Variants in MAEA observed in about 807,000 individuals in gnomAD.
MAEA encodes E3 ubiquitin-protein transferase MAEA.
In MAEA, 22 loss-of-function variants were observed where a neutral mutation model predicts 46.2. The ratio of observed to expected loss-of-function variants is 0.48; its 90% CI spans 0.34 to 0.68. MAEA has a LOEUF of 0.68. Among genes scored for constraint, MAEA ranks in the 30% least tolerant of loss-of-function variants. MAEA has a pLI of 0.01. For synonymous variants in MAEA, 246 were observed against 222.6 expected (o/e 1.11, Z -0.94); for missense variants, 393 against 558.1 (o/e 0.70, Z 2.98).
At chr4:1,300,109 A>G (rs922248114) in intron 1 of MAEA, 3 of 152,362 alleles carry the variant, frequency 2.0e-5, no homozygotes, top group Non-Finnish European at 4.4e-5. Context: ...GCCACCCTCT[A>G]TATCACCGCC....
rs1052271482 is a variant in MAEA, at chr4:1,338,624, G to A, written c.1095+7G>A. ...CTACGTCTACGGCTACAATGTGAGG[G>A]GGGCAGGGCAGGGGGGCCAGGCTGG... is the stretch of plus-strand genomic sequence containing the variant. On this transcript the variant is annotated splice_region_variant and intron_variant, in intron 8 of 8. Coordinates refer to ENST00000303400, the MANE Select transcript of MAEA (RefSeq NM_001017405.3). The A allele has an allele frequency of 3.9e-5, 63 of 1,596,390 alleles. No homozygotes were observed. The highest frequency in any genetic ancestry group is 1.5e-5 in the Non-Finnish European group (18 of 1,171,948).
chr4:1,327,671 C>T lies in MAEA; in HGVS notation c.624C>T (p.Leu208=), dbSNP rs1186107194. The change falls in exon 5 of 9, where the codon CTC becomes CTT. Residue 208 remains leucine, a synonymous_variant. Coordinates refer to ENST00000303400, the MANE Select transcript of MAEA (RefSeq NM_001017405.3). ...TCAGAATCCAGGAGTTCATTGAACT[C>T]ATCCGGCAGAATAAGAGACTGGACG... ...FSLRIQEFIE[L]IRQNKRLDAV... 2 of 1,613,994 alleles carry T rather than the reference C, an allele frequency of 1.2e-6. No individual in the cohort carries two copies. Among genetic ancestry groups the T allele is most frequent in the East Asian group, 2.2e-5 (1 of 44,890 alleles).
At chr4:1,313,031 GC>G (rs1405841599) in intron 2 of MAEA, among the ~76,000 whole-genome samples, 1 of 152,230 alleles carries the variant, frequency 6.6e-6, no homozygotes, top group Non-Finnish European at 1.5e-5. Flanking sequence ...GGAAAGTGGG[GC>G]CCAGTGGAGA....
At chr4:1,290,389 C>G (rs1352280931) in intron 1 of MAEA, among the ~76,000 whole-genome samples, 1 of 152,170 alleles carries the variant, frequency 6.6e-6, no homozygotes, top group Non-Finnish European at 1.5e-5. Context: ...TGGGAGGTGC[C>G]GGCTGCGCCG....
intron 1 of MAEA, among the ~76,000 whole-genome samples, chr4:1,292,436 T>G (rs1226824791): frequency 1.3e-5 from 2 of 152,082 alleles, no homozygotes; most frequent in African/African-American, 4.8e-5. Context: ...GGGAAGAGAA[T>G]GGAACAGACG....
intron 3 of MAEA, among the ~76,000 whole-genome samples, chr4:1,316,442 G>A (rs757548504): frequency 3.3e-5 from 5 of 152,124 alleles, no homozygotes; most frequent in Admixed American, 2.6e-4. Flanking sequence ...TTAAGGTGGC[G>A]TCCGTGTTCC....
intron 1 of MAEA, among the ~76,000 whole-genome samples, chr4:1,307,910 C>T (rs991941257): frequency 5.3e-5 from 8 of 152,118 alleles, no homozygotes; most frequent in Admixed American, 2.0e-4. Flanking sequence ...TGGAAACACC[C>T]GCACAGGCAC....
At chr4:1,327,484 C>T in intron 4 of MAEA, 143 bp from the exon 5 acceptor site, 1 of 711,562 alleles carries the variant, frequency 1.4e-6, no homozygotes, top group South Asian at 1.5e-5. Context: ...GCTTCAGCCT[C>T]AGCCCTGCCT....
rs538450563 is a variant in MAEA, at chr4:1,329,559, G to C, written c.656+1856G>C. 15 of 985,266 alleles carry C rather than the reference G, an allele frequency of 1.5e-5. No homozygotes were observed. In the Admixed American group the frequency reaches 8.6e-4, roughly 57 times the overall value. The allele number at this position is 985,266 out of a possible 1,614,324, so 61.0% of individuals were successfully genotyped here. On this transcript the variant is annotated intron_variant, in intron 5 of 8. Transcript: ENST00000303400. ...ATGGCAAACAACACCCCAGTGTCTCGGGGGCAGGCGCAGTGTGAGCTACAT... is the reference window on the plus strand; with the variant it reads ...ATGGCAAACAACACCCCAGTGTCTCCGGGGCAGGCGCAGTGTGAGCTACAT...
intron 1 of MAEA, among the ~76,000 whole-genome samples, chr4:1,293,877 G>A (rs142822536): frequency 6.6e-4 from 100 of 152,352 alleles, no homozygotes; most frequent in African/African-American, 2.4e-3. Context: ...TAGGGAGTTC[G>A]GGTGCCAGCT....
chr4:1,294,467 T>C (rs1033737044), intron 1 of MAEA, among the ~76,000 whole-genome samples: 7 of 152,144 alleles, frequency 4.6e-5, no homozygotes, highest in Admixed American at 1.3e-4. Flanking sequence ...TTCACCGTAA[T>C]GGCTGGGCTA....
chr4:1,310,610 C>T (rs779071705), intron 1 of MAEA, among the ~76,000 whole-genome samples: 15 of 152,362 alleles, frequency 9.8e-5, no homozygotes, highest in South Asian at 4.1e-4. Context: ...GAGTCCTGCT[C>T]GGTAGCAGAC....
chr4:1,322,505 T>C lies in MAEA; in HGVS notation c.579+2T>C, dbSNP rs1226218178. On this transcript the variant is annotated splice_donor_variant, in intron 4 of 8. Coordinates refer to ENST00000303400, the MANE Select transcript of MAEA (RefSeq NM_001017405.3). LOFTEE classifies it high-confidence loss of function. ...AAGTCCCGGCTCCGGAAGATGAAGGTGCACGGACTCCCAGGTTGGGGTGGG... is the reference window on the plus strand; with the variant it reads ...AAGTCCCGGCTCCGGAAGATGAAGGCGCACGGACTCCCAGGTTGGGGTGGG... The C allele has an allele frequency of 6.2e-7, 1 of 1,613,142 alleles. No individual in the cohort carries two copies. The highest frequency in any genetic ancestry group is 1.3e-5 in the African/African-American group (1 of 74,870).
At position 1,320,411 on chromosome 4, in the gene MAEA, G is replaced by T. The variant is rs761929472; in HGVS notation, c.457-1970G>T. Among the ~76,000 whole-genome samples the T allele has an allele frequency of 2.2e-5, 3 of 134,704 alleles. No individual in the cohort carries two copies. The Admixed American group carries it at 2.4e-4, about 11-fold the overall frequency. 88.4% of individuals were successfully genotyped at this position (134,704 alleles called of 152,430 possible). A position where few individuals can be genotyped will look rare whatever the true frequency, so the allele number is the denominator to read the frequency against. ...AAGAATCATCAACATGCAGGAAAAC[G>T]CTGTGAAGGGGCTTTAGAAAGAAAT... On this transcript the variant is annotated intron_variant, in intron 3 of 8. Coordinates refer to ENST00000303400, the MANE Select transcript of MAEA (RefSeq NM_001017405.3).
At position 1,338,555 on chromosome 4, in the gene MAEA, G is replaced by A. The variant is rs754531019; in HGVS notation, c.1033G>A (p.Asp345Asn). Residue 345 changes from aspartate to asparagine, a missense_variant, in exon 8 of 9, where the codon GAC (aspartate) becomes AAC (asparagine). Asp to Asn is a conservative substitution (Grantham distance 23). This residue lies in a region of MAEA where 358 missense variants were observed against 537.9 expected (regional missense o/e 0.67). Transcript: ENST00000303400. ...NSRLVCKISG[D>N]VMNENNPPMM... ...CCGCCTGGTCTGCAAGATTTCTGGC[G>A]ACGTGATGAACGAGAACAATCCGCC... 9.3e-6 allele frequency: 15 copies of A among 1,613,204 alleles called. No homozygotes were observed. Among genetic ancestry groups the A allele is most frequent in the East Asian group, 6.7e-5 (3 of 44,896 alleles).
intron 3 of MAEA, among the ~76,000 whole-genome samples, chr4:1,318,380 C>T (rs1019343803): frequency 7.2e-5 from 11 of 152,180 alleles, no homozygotes; most frequent in East Asian, 3.9e-4. Context: ...ACAGGCCACG[C>T]GTTCCACAGA....
intron 7 of MAEA, 52 bp downstream of exon 7, chr4:1,337,046 G>A (rs1318869382): frequency 6.2e-7 from 1 of 1,600,510 alleles, no homozygotes; most frequent in East Asian, 2.2e-5. Context: ...GGCATCTTTG[G>A]TCATATTTTA....
At chr4:1,310,700 G>A (rs1223055675) in intron 1 of MAEA, among the ~76,000 whole-genome samples, 2 of 152,232 alleles carry the variant, frequency 1.3e-5, no homozygotes, top group East Asian at 1.9e-4. Context: ...TGTCACCCGC[G>A]GTGGGTCCAC....
chr4:1,323,552 T>G, intron 4 of MAEA: 1 of 702,424 alleles, frequency 1.4e-6, no homozygotes. Context: ...GGCTAGTAGC[T>G]CCCCTAAAGA....
Sources: allele counts gnomAD v4.1 joint callset (sites outside exome capture counted in the v4.1 genomes callset), GRCh38; gene constraint gnomAD v4.1.1; regional missense constraint gnomAD v4.1.1; transcripts MANE v1.5; gene names NCBI Gene and HGNC (gene_info 2026-07-23, HGNC 2026-07-21).